The following PDE8B variants were observed in gnomAD, a reference collection of about 807,000 sequenced individuals.
The protein encoded by PDE8B is phosphodiesterase 8B.
In PDE8B, 26 loss-of-function variants were observed where a neutral mutation model predicts 101.3. The observed-to-expected ratio is 0.26, with a 90% CI of 0.19 to 0.36. The LOEUF is 0.36. Ranked by LOEUF, PDE8B falls within the 10% of genes least tolerant of loss-of-function variation. PDE8B has a pLI of 1.00. For synonymous variants in PDE8B, 424 were observed against 429.3 expected (o/e 0.99, Z 0.15); for missense variants, 810 against 1,163.1 (o/e 0.70, Z 4.42).
At chr5:77,350,988 C>T in intron 8 of PDE8B, 77 bp from the exon 9 acceptor site, 1 of 1,015,790 alleles carries the variant, frequency 9.8e-7, no homozygotes, top group Non-Finnish European at 1.6e-6. Flanking sequence ...TGTTCCTTCT[C>T]AGCCTTCTGA....
chr5:77,411,168 T>C, intron 14 of PDE8B: 1 of 158,522 alleles, frequency 6.3e-6, no homozygotes, highest in Non-Finnish European at 1.4e-5. Flanking sequence ...TAAAATACAG[T>C]TGGGGAAAAA....
the PDE8B span, among the ~76,000 whole-genome samples, chr5:77,107,461 G>T: frequency 5.3e-5 from 8 of 152,206 alleles, no homozygotes; most frequent in Middle Eastern, 3.4e-3. Context: ...AATGTTATGT[G>T]TGAAAAAGAT....
upstream of PDE8B, among the ~76,000 whole-genome samples, chr5:77,206,916 T>A (rs1401846300): frequency 6.6e-6 from 1 of 152,172 alleles, no homozygotes; most frequent in African/African-American, 2.4e-5. Flanking sequence ...TTCACAGCAT[T>A]CTCGAATGTT....
At chr5:77,233,652 CTCTGTGTGTGTGTGTGTGTGTG>C in intron 1 of PDE8B, among the ~76,000 whole-genome samples, 1 of 127,042 alleles carries the variant, frequency 7.9e-6, no homozygotes, top group East Asian at 3.6e-4. Flanking sequence ...CCCCCTGAAG[CTCTGTGTGTGTGTGTGTGTGTG>C]TGTGTGTGTG....
At chr5:77,291,078 G>A in intron 1 of PDE8B, 2 of 1,610,858 alleles carry the variant, frequency 1.2e-6, no homozygotes, top group Non-Finnish European at 1.7e-6. Context: ...GGAACTTGGA[G>A]GAAACAGTAC....
At chr5:77,205,310 G>A in the PDE8B span, among the ~76,000 whole-genome samples, 1 of 152,342 alleles carries the variant, frequency 6.6e-6, no homozygotes, top group Non-Finnish European at 1.5e-5. Context: ...AAAGGTCCAA[G>A]AAGTGATGCA....
chr5:77,340,604 T>A (rs956748720), intron 6 of PDE8B, among the ~76,000 whole-genome samples: 3 of 116,568 alleles, frequency 2.6e-5, no homozygotes, highest in Non-Finnish European at 5.0e-5. Context: ...CCTCACAGTG[T>A]GTGTGTGTGT....
the PDE8B span, chr5:77,140,230 A>G: frequency 8.6e-5 from 13 of 152,034 alleles, no homozygotes; most frequent in African/African-American, 3.1e-4. Flanking sequence ...CCTTTTTTTA[A>G]ATTTATTTTT....
chr5:77,095,942 C>T, the PDE8B span, among the ~76,000 whole-genome samples: 5 of 152,072 alleles, frequency 3.3e-5, no homozygotes, highest in African/African-American at 1.2e-4. Flanking sequence ...CAAGTTAGTA[C>T]CAGCTTATTG....
intron 4 of PDE8B, 71 bp downstream of exon 4, chr5:77,329,128 GT>G (rs1261465175): frequency 2.4e-6 from 3 of 1,273,388 alleles, no homozygotes; most frequent in East Asian, 2.3e-5. Context: ...ATGTAATCTG[GT>G]TTTTGAGCTA....
intron 1 of PDE8B, chr5:77,291,472 C>T (rs938703421): frequency 1.7e-5 from 27 of 1,610,658 alleles, no homozygotes; most frequent in Middle Eastern, 2.2e-4. Context: ...GAGACTTTTG[C>T]TCCGATTCTG....
At chr5:77,383,683 TCA>T (rs1299169790) in intron 10 of PDE8B, among the ~76,000 whole-genome samples, 5 of 152,250 alleles carry the variant, frequency 3.3e-5, no homozygotes, top group East Asian at 1.9e-4. Flanking sequence ...GGGTCCAGTT[TCA>T]GTTTTCTGCA....
intron 10 of PDE8B, among the ~76,000 whole-genome samples, chr5:77,396,230 C>T (rs1381623902): frequency 7.9e-5 from 12 of 152,220 alleles, no homozygotes; most frequent in Admixed American, 7.9e-4. Flanking sequence ...GCCCTTCCCC[C>T]ACATTGACTA....
intron 12 of PDE8B, among the ~76,000 whole-genome samples, chr5:77,405,202 TCA>T: frequency 6.6e-6 from 1 of 152,360 alleles, no homozygotes; most frequent in South Asian, 2.1e-4. Context: ...TAATAAAATG[TCA>T]CAGAGAAATC....
At chr5:77,398,617 G>T (rs921706290) in intron 10 of PDE8B, among the ~76,000 whole-genome samples, 4 of 152,026 alleles carry the variant, frequency 2.6e-5, no homozygotes, top group Admixed American at 1.3e-4. Context: ...CACGGCGCCC[G>T]ACCGGCTGTT....
intron 1 of PDE8B, among the ~76,000 whole-genome samples, chr5:77,306,783 C>T (rs556474611): frequency 2.0e-5 from 3 of 152,178 alleles, no homozygotes; most frequent in Non-Finnish European, 4.4e-5. Context: ...TGATTTCTCT[C>T]GTGAGTTTGC....
the PDE8B span, among the ~76,000 whole-genome samples, chr5:77,169,894 A>G: frequency 6.6e-6 from 1 of 152,316 alleles, no homozygotes; most frequent in East Asian, 1.9e-4. Context: ...GGCTGAGTGC[A>G]GAGTAAATGC....
At chr5:77,343,972 A>T (rs1341990813) in intron 6 of PDE8B, among the ~76,000 whole-genome samples, 1 of 150,190 alleles carries the variant, frequency 6.7e-6, no homozygotes, top group African/African-American at 2.5e-5. Flanking sequence ...AATATCACTG[A>T]CTTCCCCCTC....
At chr5:77,275,632 T>C (rs576934234) in intron 1 of PDE8B, among the ~76,000 whole-genome samples, 41 of 152,338 alleles carry the variant, frequency 2.7e-4, no homozygotes, top group African/African-American at 9.9e-4. Flanking sequence ...TCTTAATTGC[T>C]TTAATTGCTG....
Sources: allele counts gnomAD v4.1 joint callset (sites outside exome capture counted in the v4.1 genomes callset), GRCh38; gene constraint gnomAD v4.1.1; transcripts MANE v1.5; gene names NCBI Gene and HGNC (gene_info 2026-07-23, HGNC 2026-07-21).